Variants in GNAQ observed in about 807,000 individuals in gnomAD.
The protein encoded by GNAQ is G protein subunit alpha q.
Under a neutral mutation model 43.9 loss-of-function variants are expected in GNAQ, and 8 were observed. The ratio of observed to expected loss-of-function variants is 0.18; its 90% CI spans 0.11 to 0.33. The LOEUF is 0.33. Among genes scored for constraint, GNAQ ranks in the 10% least tolerant of loss-of-function variants. The pLI, the probability that GNAQ is intolerant of heterozygous loss-of-function variation, is 1.00. For synonymous variants in GNAQ, 155 were observed against 170.7 expected (o/e 0.91, Z 0.71); for missense variants, 158 against 450.8 (o/e 0.35, Z 5.88).
At chr9:77,982,733 T>TAAAA (rs562254223) in intron 1 of GNAQ, among the ~76,000 whole-genome samples, 1 of 121,802 alleles carries the variant, frequency 8.2e-6, no homozygotes, top group Admixed American at 8.7e-5. Flanking sequence ...ATTCTATGTT[T>TAAAA]AAAAAAAAAA....
chr9:77,957,224 T>G (rs1266809544), intron 1 of GNAQ, among the ~76,000 whole-genome samples: 7 of 151,822 alleles, frequency 4.6e-5, no homozygotes, highest in African/African-American at 1.7e-4. Context: ...GGTGTGGTGG[T>G]GTGTGCCTGT....
At chr9:77,940,511 C>T (rs1327947707) in intron 1 of GNAQ, among the ~76,000 whole-genome samples, 1 of 152,018 alleles carries the variant, frequency 6.6e-6, no homozygotes, top group Non-Finnish European at 1.5e-5. Flanking sequence ...CCTGGGAGGT[C>T]AAGGCTGCAG....
At chr9:77,827,831 G>A (rs1827223345) in intron 2 of GNAQ, among the ~76,000 whole-genome samples, 1 of 151,816 alleles carries the variant, frequency 6.6e-6, no homozygotes, top group Non-Finnish European at 1.5e-5. Flanking sequence ...AAATATATGA[G>A]TTAGAGGAAG....
intron 2 of GNAQ, among the ~76,000 whole-genome samples, chr9:77,870,370 A>T (rs1293881861): frequency 8.1e-6 from 1 of 123,794 alleles, no homozygotes; most frequent in African/African-American, 3.2e-5. Flanking sequence ...TTGCTCTGTC[A>T]CCCAGGCTGG....
intron 1 of GNAQ, among the ~76,000 whole-genome samples, chr9:77,956,664 AAAT>A (rs1823044343): frequency 6.6e-6 from 1 of 152,208 alleles, no homozygotes; most frequent in South Asian, 2.1e-4. Context: ...GGAGGAGGGA[AAAT>A]AACTGCTCCC....
intron 1 of GNAQ, among the ~76,000 whole-genome samples, chr9:77,972,830 G>A (rs548561206): frequency 6.6e-6 from 1 of 151,850 alleles, no homozygotes. Context: ...GTGGGCACCT[G>A]TAATCTCAGC....
intron 1 of GNAQ, among the ~76,000 whole-genome samples, chr9:77,970,222 C>CAA (rs139514787): frequency 2.7e-5 from 4 of 145,750 alleles, no homozygotes; most frequent in Admixed American, 6.8e-5. Context: ...TCCATCTCCA[C>CAA]AAAAAAAAAA....
intron 1 of GNAQ, among the ~76,000 whole-genome samples, chr9:77,948,888 G>T (rs1822939685): frequency 6.6e-6 from 1 of 152,058 alleles, no homozygotes; most frequent in African/African-American, 2.4e-5. Context: ...CTTTCCATTT[G>T]GGAGTCACAT....
At chr9:77,982,866 G>A (rs1323833016) in intron 1 of GNAQ, among the ~76,000 whole-genome samples, 25 of 136,580 alleles carry the variant, frequency 1.8e-4, no homozygotes, top group Non-Finnish European at 3.5e-4. Context: ...TAATGGGTGC[G>A]GCACACACCA....
At chr9:78,023,212 C>G (rs764989977) in intron 1 of GNAQ, among the ~76,000 whole-genome samples, 4 of 152,178 alleles carry the variant, frequency 2.6e-5, no homozygotes, top group African/African-American at 9.7e-5. Flanking sequence ...TTTTGCTTTA[C>G]GGACCAGAGT....
At chr9:77,749,751 AAACT>A (rs961146705) in intron 5 of GNAQ, among the ~76,000 whole-genome samples, 1 of 152,160 alleles carries the variant, frequency 6.6e-6, no homozygotes, top group African/African-American at 2.4e-5. Context: ...CAGACATATA[AAACT>A]AACATTTCAT....
rs926375468 is a variant in GNAQ at position 77,883,191 on chromosome 9, C to T, written c.321+38970G>A. ...AAATATAACTGATGTCCCATCTCTCCATTTCTCTCTATAAATAAGTCTTTA... is the reference window on the plus strand; with the variant it reads ...AAATATAACTGATGTCCCATCTCTCTATTTCTCTCTATAAATAAGTCTTTA... On this transcript the variant is annotated intron_variant, in intron 2 of 6. Transcript: ENST00000286548. Among the ~76,000 whole-genome samples, 13 of 152,162 alleles carry T rather than the reference C, an allele frequency of 8.5e-5. 1 individual carries two copies. The highest frequency in any genetic ancestry group is 1.5e-5 in the Non-Finnish European group (1 of 68,020).
intron 2 of GNAQ, among the ~76,000 whole-genome samples, chr9:77,900,246 T>C (rs1464604908): frequency 6.6e-6 from 1 of 152,180 alleles, no homozygotes; most frequent in African/African-American, 2.4e-5. Context: ...GCCAGAGGTA[T>C]TCCACATTCT....
At chr9:77,974,435 G>A (rs1392116329) in intron 1 of GNAQ, among the ~76,000 whole-genome samples, 1 of 152,208 alleles carries the variant, frequency 6.6e-6, no homozygotes, top group Non-Finnish European at 1.5e-5. Flanking sequence ...AGGGACTAAT[G>A]ATAGTAACTA....
chr9:78,000,687 C>T (rs1372602897), intron 1 of GNAQ, among the ~76,000 whole-genome samples: 2 of 152,148 alleles, frequency 1.3e-5, no homozygotes, highest in African/African-American at 2.4e-5. Context: ...GTTCCATTAA[C>T]GTTAACTCAA....
At chr9:77,743,285 A>AC (rs1825681041) in intron 5 of GNAQ, among the ~76,000 whole-genome samples, 1 of 151,176 alleles carries the variant, frequency 6.6e-6, no homozygotes, top group Non-Finnish European at 1.5e-5. Flanking sequence ...AAACAAACAA[A>AC]CAAAAAAAAC....
At chr9:78,008,060 T>C (rs758633831) in intron 1 of GNAQ, among the ~76,000 whole-genome samples, 1 of 152,144 alleles carries the variant, frequency 6.6e-6, no homozygotes, top group Non-Finnish European at 1.5e-5. Flanking sequence ...TTCTGGTAAA[T>C]TACCAAATTA....
At chr9:78,003,999 A>G (rs1004984517) in intron 1 of GNAQ, among the ~76,000 whole-genome samples, 3 of 152,160 alleles carry the variant, frequency 2.0e-5, no homozygotes, top group Non-Finnish European at 4.4e-5. Context: ...GGGATCTGAC[A>G]GGTTGCTATG....
In GNAQ at chr9:77,738,677, T is replaced by G. The variant is rs539880123; in HGVS notation, c.736-10010A>C. On this transcript the variant is annotated intron_variant, in intron 5 of 6. Coordinates refer to ENST00000286548, the MANE Select transcript of GNAQ (RefSeq NM_002072.5). ...TCTCACTCAGAAGCCACTAGCTACA[T>G]GTGGCTACTGAGCACTTAAAATGTG... is the stretch of plus-strand genomic sequence containing the variant. 3.3e-5 allele frequency among the ~76,000 whole-genome samples: 5 copies of G among 152,298 alleles called. No individual in the cohort carries two copies. The South Asian group carries it at 1.0e-3, about 32-fold the overall frequency.
Sources: gnomAD v4.1 joint callset for allele counts (sites outside exome capture counted in the v4.1 genomes callset) on GRCh38, gnomAD v4.1.1 for gene constraint, MANE v1.5 for transcripts, NCBI Gene and HGNC (gene_info 2026-07-23, HGNC 2026-07-21) for gene names.